TRIM4: variants seen among roughly 807,000 people sequenced by gnomAD.
TRIM4 encodes the protein tripartite motif containing 4.
A neutral mutation model predicts 33.7 loss-of-function variants in TRIM4; 29 were observed. That is an observed-to-expected ratio of 0.86 (90% CI 0.64 to 1.17). TRIM4 has a LOEUF of 1.17. Among genes scored for constraint, TRIM4 ranks in the 50% most tolerant of loss-of-function variants. The pLI is 0.00. For synonymous variants in TRIM4, 224 were observed against 233.0 expected, an observed-to-expected ratio of 0.96 and a Z score of 0.35; for missense variants, 554 against 593.7, an observed-to-expected ratio of 0.93 and a Z score of 0.69.
At chr7:99,896,312 G>A (rs564483782) in intron 5 of TRIM4, among the ~76,000 whole-genome samples, 1 of 152,132 alleles carries the variant, frequency 6.6e-6, no homozygotes, top group South Asian at 2.1e-4. Context: ...CCAACTCAGA[G>A]ATCTGCTCCT....
At chr7:99,902,028 A>C in intron 5 of TRIM4, 1 of 725,642 alleles carries the variant, frequency 1.4e-6, no homozygotes, top group Non-Finnish European at 2.5e-6. Context: ...AAACTCCCTC[A>C]GGCAGAGGGT....
At position 99,908,732 on chromosome 7, in the gene TRIM4, C is replaced by T; in HGVS notation, c.570G>A (p.Leu190=). The change falls in exon 3 of 6, where the codon CTG becomes CTA. Residue 190 remains leucine (L), a synonymous_variant. Coordinates refer to ENST00000349062, the MANE Select transcript of TRIM4 (RefSeq NM_033091.3). The part of the protein sequence containing the change: ...LHNFLVEEED[L]FLQRLNKEEE... ...CTTCTTTGTTCAATCTCTGAAGAAA[C>T]AGGTCCTCTTCTTCAACCAGGAAGT... 2 of 1,614,170 alleles carry T rather than the reference C, an allele frequency of 1.2e-6. No individual in the cohort carries two copies. Among genetic ancestry groups the T allele is most frequent in the South Asian group, 1.1e-5 (1 of 91,076 alleles).
chr7:99,914,193 A>G (rs1407985148), intron 1 of TRIM4, among the ~76,000 whole-genome samples: 1 of 152,160 alleles, frequency 6.6e-6, no homozygotes, highest in Non-Finnish European at 1.5e-5. Context: ...TCTCTCATAC[A>G]ATATCCACAA....
At chr7:99,900,537 C>G (rs1011932375) in intron 5 of TRIM4, among the ~76,000 whole-genome samples, 2 of 152,156 alleles carry the variant, frequency 1.3e-5, no homozygotes, top group Non-Finnish European at 2.9e-5. Context: ...ATTACCATTT[C>G]TGGTGCTCTT....
At chr7:99,901,971 A>T in intron 5 of TRIM4, 1 of 621,520 alleles carries the variant, frequency 1.6e-6, no homozygotes, top group Middle Eastern at 4.2e-4. Context: ...TCAACTCAGC[A>T]AGTCTCCCTG....
chr7:99,906,188 G>A (rs1374458225), intron 3 of TRIM4, among the ~76,000 whole-genome samples: 1 of 152,054 alleles, frequency 6.6e-6, no homozygotes, highest in South Asian at 2.1e-4. Flanking sequence ...GAAGTCCAGA[G>A]GGAGGCTACC....
At chr7:99,913,696 A>T (rs1304547393) in intron 1 of TRIM4, among the ~76,000 whole-genome samples, 2 of 151,938 alleles carry the variant, frequency 1.3e-5, no homozygotes. Flanking sequence ...TAAATAAATA[A>T]AAATAATAAT....
rs116599183 is a variant in TRIM4, at chr7:99,898,369, C to T, written c.841+4849G>A. 2.9e-3 allele frequency among the ~76,000 whole-genome samples: 448 copies of T among 152,328 alleles called. 3 individuals carry two copies. The highest frequency in any genetic ancestry group is 0.01 in the African/African-American group (418 of 41,568). On this transcript the variant is annotated intron_variant, in intron 5 of 5. Transcript: ENST00000349062. ...ACTCTTAATGTGGGGTGGCTACCCC[C>T]ACAGCAATGCAACCAATCCCTTCAA...
chr7:99,918,497 G>A (rs573273893), intron 1 of TRIM4, among the ~76,000 whole-genome samples: 1 of 152,120 alleles, frequency 6.6e-6, no homozygotes, highest in Admixed American at 6.5e-5. Flanking sequence ...CCCCGGAGGA[G>A]GAGGTTGCAG....
intron 5 of TRIM4, among the ~76,000 whole-genome samples, chr7:99,894,553 G>A (rs1818972443): frequency 6.6e-6 from 1 of 152,036 alleles, no homozygotes; most frequent in South Asian, 2.1e-4. Context: ...TGCAGTCCCA[G>A]CTACTTGGGA....
chr7:99,905,390 A>G (rs2151647310), intron 3 of TRIM4, among the ~76,000 whole-genome samples: 1 of 152,388 alleles, frequency 6.6e-6, no homozygotes, highest in African/African-American at 2.4e-5. Flanking sequence ...AGAAATGTAT[A>G]TAAATGTGCA....
intron 1 of TRIM4, among the ~76,000 whole-genome samples, chr7:99,914,249 C>CT (rs1819504305): frequency 6.6e-6 from 1 of 152,230 alleles, no homozygotes; most frequent in African/African-American, 2.4e-5. Flanking sequence ...CCTCGAACTC[C>CT]TGAGTGCAAG....
chr7:99,897,943 G>A (rs1447071483), intron 5 of TRIM4, among the ~76,000 whole-genome samples: 1 of 152,106 alleles, frequency 6.6e-6, no homozygotes, highest in African/African-American at 2.4e-5. Flanking sequence ...CCACAGATGG[G>A]GTGCAGCAAA....
At chr7:99,901,076 A>C (rs1374835308) in intron 5 of TRIM4, 3 of 152,160 alleles carry the variant, frequency 2.0e-5, no homozygotes, top group Non-Finnish European at 4.4e-5. Flanking sequence ...ATCACCATAG[A>C]TAATAAGGCT....
chr7:99,914,995 A>G (rs1352514512), intron 1 of TRIM4, among the ~76,000 whole-genome samples: 1 of 151,932 alleles, frequency 6.6e-6, no homozygotes, highest in Non-Finnish European at 1.5e-5. Flanking sequence ...TTTTTAGTAA[A>G]GACAGGGTTT....
intron 1 of TRIM4, among the ~76,000 whole-genome samples, chr7:99,914,961 C>T (rs890311044): frequency 6.6e-6 from 1 of 152,056 alleles, no homozygotes; most frequent in African/African-American, 2.4e-5. Flanking sequence ...AGGTGCCCAC[C>T]GCCGCACCTA....
rs1819603882 is a variant in TRIM4 at position 99,918,323 on chromosome 7, A to G, written c.393+686T>C. 2.0e-5 allele frequency among the ~76,000 whole-genome samples: 3 copies of G among 152,278 alleles called. No homozygotes were observed. The South Asian group carries it at 6.2e-4, about 32-fold the overall frequency. On this transcript the variant is annotated intron_variant, in intron 1 of 5. Transcript: ENST00000349062. Reference sequence around the variant, plus strand: ...TGACTCACACCTTAATCCCAGCACTATGGGAGGCCAAGCGGGGCAGATCAC... The same window carrying G: ...TGACTCACACCTTAATCCCAGCACTGTGGGAGGCCAAGCGGGGCAGATCAC...
intron 5 of TRIM4, among the ~76,000 whole-genome samples, chr7:99,902,502 C>G (rs1296245706): frequency 6.6e-6 from 1 of 152,180 alleles, no homozygotes; most frequent in Non-Finnish European, 1.5e-5. Flanking sequence ...CTGCCTCGAC[C>G]TCCCAAAGTG....
Position 99,894,974 on chromosome 7 carries a change from A to AT in TRIM4, c.842-2229dup, listed in dbSNP as rs568808557. ...GTTTTCTTTTTTTCTGATCATTTTG[A>AT]TTAAAGGTGTGTCAATTTTACTGAA... On this transcript the variant is annotated intron_variant, in intron 5 of 5. Transcript: ENST00000349062. Among the ~76,000 whole-genome samples the AT allele has an allele frequency of 5.4e-3, 816 of 152,166 alleles. 9 individuals carry two copies. Among genetic ancestry groups the AT allele is most frequent in the African/African-American group, 0.018 (762 of 41,512 alleles).
Sources: allele counts gnomAD v4.1 joint callset (sites outside exome capture counted in the v4.1 genomes callset), GRCh38; gene constraint gnomAD v4.1.1; transcripts MANE v1.5; gene names NCBI Gene and HGNC (gene_info 2026-07-23, HGNC 2026-07-21).